Variants in DAP observed in about 807,000 individuals in gnomAD.
The protein encoded by DAP is death associated protein.
In DAP, 8 loss-of-function variants were observed where a neutral mutation model predicts 13.8. The ratio of observed to expected loss-of-function variants is 0.58; its 90% CI spans 0.34 to 1.05. DAP has a LOEUF of 1.05. Ranked by LOEUF, DAP falls within the 50% of genes least tolerant of loss-of-function variation. The pLI is 0.03. For missense variants in DAP, 106 were observed against 133.2 expected (o/e 0.80, Z 1.01); for synonymous variants, 47 against 47.5 (o/e 0.99, Z 0.04).
At chr5:10,712,899 A>T (rs1738887639) in intron 2 of DAP, among the ~76,000 whole-genome samples, 1 of 152,158 alleles carries the variant, frequency 6.6e-6, no homozygotes. Flanking sequence ...CAAGATATCA[A>T]ATGGATCTAG....
intron 1 of DAP, among the ~76,000 whole-genome samples, chr5:10,752,490 G>C (rs1482272983): frequency 6.6e-6 from 1 of 152,218 alleles, no homozygotes; most frequent in African/African-American, 2.4e-5. Context: ...AGGAGAAACA[G>C]AAAAACCTTA....
chr5:10,752,792 C>T (rs918376066), intron 1 of DAP, among the ~76,000 whole-genome samples: 5 of 152,324 alleles, frequency 3.3e-5, no homozygotes, highest in African/African-American at 1.2e-4. Context: ...AAATGTTCCC[C>T]TCTCCCAGGG....
chr5:10,690,141 T>G (rs1738270969), intron 2 of DAP, among the ~76,000 whole-genome samples: 1 of 152,148 alleles, frequency 6.6e-6, no homozygotes, highest in Admixed American at 6.5e-5. Flanking sequence ...AGAATTGTGT[T>G]GCATGAGAAA....
At chr5:10,688,665 A>C (rs1738217496) in intron 2 of DAP, among the ~76,000 whole-genome samples, 1 of 152,112 alleles carries the variant, frequency 6.6e-6, no homozygotes, top group Non-Finnish European at 1.5e-5. Context: ...AAAGATTGAC[A>C]CACACACACA....
At chr5:10,693,272 GT>G (rs1461929647) in intron 2 of DAP, among the ~76,000 whole-genome samples, 5 of 152,202 alleles carry the variant, frequency 3.3e-5, no homozygotes, top group African/African-American at 1.2e-4. Context: ...TTTCATGTTA[GT>G]TTTGACCTGG....
chr5:10,689,168 C>G (rs984479131), intron 2 of DAP, among the ~76,000 whole-genome samples: 2 of 152,166 alleles, frequency 1.3e-5, no homozygotes, highest in Non-Finnish European at 2.9e-5. Flanking sequence ...CAGCTCTGCT[C>G]TAGCCTGAGT....
chr5:10,693,673 A>G lies in DAP; in HGVS notation c.153-10102T>C, dbSNP rs2126640613. Among the ~76,000 whole-genome samples the G allele has an allele frequency of 1.3e-5, 2 of 152,318 alleles. 1 individual carries two copies. Among genetic ancestry groups the G allele is most frequent in the South Asian group, 4.1e-4 (2 of 4,828 alleles). On this transcript the variant is annotated intron_variant, in intron 2 of 3. Transcript: ENST00000230895. ...GAACGAGGGCTGTATAGTGCATGTA[A>G]TCTTGGCTCCAAGCCCAGTCCCCTC...
intron 2 of DAP, among the ~76,000 whole-genome samples, chr5:10,693,496 T>A (rs1738357994): frequency 6.6e-6 from 1 of 152,250 alleles, no homozygotes; most frequent in Non-Finnish European, 1.5e-5. Flanking sequence ...GACCAGGTGC[T>A]GAGTTAGGCG....
At position 10,732,210 on chromosome 5, in the gene DAP, C is replaced by T. The variant is rs186159253; in HGVS notation, c.152+15965G>A. Among the ~76,000 whole-genome samples the T allele has an allele frequency of 1.8e-4, 28 of 152,326 alleles. 1 individual carries two copies. Among genetic ancestry groups the T allele is most frequent in the Non-Finnish European group, 2.9e-4 (20 of 68,028 alleles). The stretch of plus-strand genomic sequence containing the variant: ...GGTAACATTCATAGAACATAAAATC[C>T]ATTTTAACCACCTTAAATTATACAA... On this transcript the variant is annotated intron_variant, in intron 2 of 3. Transcript: ENST00000230895.
At chr5:10,759,367 G>A (rs1366914907) in intron 1 of DAP, among the ~76,000 whole-genome samples, 3 of 152,088 alleles carry the variant, frequency 2.0e-5, no homozygotes, top group East Asian at 3.8e-4. Flanking sequence ...AAATCAAGGC[G>A]CTCCTCCCCA....
chr5:10,715,718 T>C (rs1738967580), intron 2 of DAP, among the ~76,000 whole-genome samples: 1 of 152,228 alleles, frequency 6.6e-6, no homozygotes, highest in Non-Finnish European at 1.5e-5. Context: ...AGTCTTCCGA[T>C]GCCACGGAGA....
intron 2 of DAP, among the ~76,000 whole-genome samples, chr5:10,736,233 A>C (rs1739608572): frequency 6.6e-6 from 1 of 152,148 alleles, no homozygotes; most frequent in South Asian, 2.1e-4. Context: ...CTGTGAGACG[A>C]AACATTTCTG....
At chr5:10,749,074 G>A (rs1223900301) in intron 1 of DAP, among the ~76,000 whole-genome samples, 2 of 152,154 alleles carry the variant, frequency 1.3e-5, no homozygotes, top group African/African-American at 2.4e-5. Flanking sequence ...AAACTATGTG[G>A]CCTTTGGTGA....
intron 2 of DAP, among the ~76,000 whole-genome samples, chr5:10,733,320 G>A (rs1021724468): frequency 1.3e-5 from 2 of 152,062 alleles, no homozygotes; most frequent in Admixed American, 1.3e-4. Context: ...ATATCTCTTG[G>A]TGACCCTGCT....
chr5:10,697,278 T>G (rs1477668420), intron 2 of DAP, among the ~76,000 whole-genome samples: 1 of 152,220 alleles, frequency 6.6e-6, no homozygotes, highest in African/African-American at 2.4e-5. Flanking sequence ...GTTAGCTCGT[T>G]ACAAGACAGA....
In DAP at chr5:10,680,796, C is replaced by T; in HGVS notation, c.*260G>A. 6.5e-7 allele frequency: 1 copy of T among 1,536,772 alleles called. No homozygotes were observed. The highest frequency in any genetic ancestry group is 2.4e-5 in the East Asian group (1 of 41,068). On this transcript the variant is annotated 3_prime_UTR_variant, in exon 4 of 4. Transcript: ENST00000230895. ...ACTAAAGCTAAAATTTTTCTCGGAT[C>T]TTGGCAAATTCTGCTAATGGCACCT...
At chr5:10,711,027 A>C (rs1167229535) in intron 2 of DAP, among the ~76,000 whole-genome samples, 2 of 152,238 alleles carry the variant, frequency 1.3e-5, no homozygotes, top group Admixed American at 6.5e-5. Flanking sequence ...AGTGCAGCTA[A>C]TAAATAACAA....
Position 10,681,175 on chromosome 5 carries a change from A to G in DAP, c.196-6T>C, listed in dbSNP as rs761784116. On this transcript the variant is annotated splice_region_variant and splice_polypyrimidine_tract_variant and intron_variant, in intron 3 of 3. Coordinates refer to ENST00000230895, the MANE Select transcript of DAP (RefSeq NM_004394.3). ...GGGGGGAAATCTTTGTCACCCTGTCAGGAAACACGGAAAGCTCAGGTTAAT... is the reference window on the plus strand; with the variant it reads ...GGGGGGAAATCTTTGTCACCCTGTCGGGAAACACGGAAAGCTCAGGTTAAT... 4.0e-6 allele frequency: 6 copies of G among 1,490,624 alleles called. No individual in the cohort carries two copies. The highest frequency in any genetic ancestry group is 5.0e-5 in the Admixed American group (2 of 40,014). The allele number at this position is 1,490,624 out of a possible 1,614,324, so 92.3% of individuals were successfully genotyped here.
In DAP at chr5:10,681,183, C is replaced by G; in HGVS notation, c.196-14G>C. 6.7e-7 allele frequency: 1 copy of G among 1,482,326 alleles called. No individual in the cohort carries two copies. The highest frequency in any genetic ancestry group is 9.0e-7 in the Non-Finnish European group (1 of 1,116,082). 91.8% of individuals were successfully genotyped at this position (1,482,326 alleles called of 1,614,324 possible). A position where few individuals can be genotyped will look rare whatever the true frequency, so the allele number is the denominator to read the frequency against. On this transcript the variant is annotated splice_polypyrimidine_tract_variant and intron_variant, in intron 3 of 3. Transcript: ENST00000230895. ...ATCTTTGTCACCCTGTCAGGAAACA[C>G]GGAAAGCTCAGGTTAATCAATAGGA...
Sources: allele counts gnomAD v4.1 joint callset (sites outside exome capture counted in the v4.1 genomes callset), GRCh38; gene constraint gnomAD v4.1.1; transcripts MANE v1.5; gene names NCBI Gene and HGNC (gene_info 2026-07-23, HGNC 2026-07-21).